Variants in ATG7 observed in about 807,000 individuals in gnomAD.
ATG7 encodes ubiquitin-like modifier-activating enzyme ATG7.
A neutral mutation model predicts 82.4 loss-of-function variants in ATG7; 70 were observed. That is an observed-to-expected ratio of 0.85 (90% CI 0.70 to 1.04). The LOEUF is 1.04. Ranked by LOEUF, ATG7 falls within the 50% of genes least tolerant of loss-of-function variation. ATG7 has a pLI of 0.00. For missense variants in ATG7, 792 were observed against 864.3 expected, an observed-to-expected ratio of 0.92 and a Z score of 1.05; for synonymous variants, 287 against 313.0, an observed-to-expected ratio of 0.92 and a Z score of 0.88.
Position 11,482,457 on chromosome 3 carries a change from TACTTTGGC to T in ATG7, c.2079+55532_2079+55539del, listed in dbSNP as rs1044268411. Among the ~76,000 whole-genome samples the T allele has an allele frequency of 3.3e-5, 5 of 152,296 alleles. 1 individual carries two copies. Among genetic ancestry groups the T allele is most frequent in the African/African-American group, 1.2e-4 (5 of 41,548 alleles). On this transcript the variant is annotated intron_variant, in intron 20 of 20. Transcript: ENST00000693202. ...ATTACTACCGTATCTTTTTGGTGGG[TACTTTGGC>T]CTGCTGACTCCTTCAGTAGAATGGA...
intron 19 of ATG7, among the ~76,000 whole-genome samples, chr3:11,422,048 T>C (rs192137265): frequency 2.0e-5 from 3 of 152,324 alleles, no homozygotes; most frequent in Admixed American, 6.5e-5. Context: ...GTTTCGGTTA[T>C]AGAGCACAGG....
intron 20 of ATG7, among the ~76,000 whole-genome samples, chr3:11,515,874 C>T (rs138874336): frequency 1.3e-5 from 2 of 152,130 alleles, no homozygotes; most frequent in East Asian, 3.9e-4. Flanking sequence ...AAAAGCAGTG[C>T]TGTGGGGCTT....
intron 11 of ATG7, 129 bp downstream of exon 11, chr3:11,333,222 C>G (rs1437984826): frequency 1.7e-6 from 2 of 1,210,396 alleles, no homozygotes; most frequent in Non-Finnish European, 1.1e-6. Context: ...ACCTCTTTGC[C>G]AATGCAGACA....
rs752093920 is a variant in ATG7 at position 11,360,726 on chromosome 3, A to G, written c.1625A>G (p.Asn542Ser). The G allele has an allele frequency of 2.8e-5, 46 of 1,614,064 alleles. No homozygotes were observed. Among genetic ancestry groups the G allele is most frequent in the Non-Finnish European group, 3.1e-5 (37 of 1,180,024 alleles). The change falls in exon 16 of 21, where the codon AAC (asparagine) becomes AGC (serine). Residue 542 changes from asparagine to serine, a missense_variant. By Grantham distance (46) the Asn-to-Ser change is conservative. Transcript: ENST00000693202. ...CTCCTGGGCTCATCGCTTTTTGCCA[A>G]CATCCCTGGTTACAAGCTTGGCTGC... Reference protein sequence around the residue: ...ADLLGSSLFANIPGYKLGCYF... With the variant: ...ADLLGSSLFASIPGYKLGCYF...
chr3:11,513,179 T>A (rs1249235521), intron 20 of ATG7, among the ~76,000 whole-genome samples: 2 of 152,254 alleles, frequency 1.3e-5, no homozygotes, highest in African/African-American at 4.8e-5. Flanking sequence ...CCCAGCTGGC[T>A]TCACCCAGTG....
chr3:11,555,277 C>A lies in ATG7; in HGVS notation c.*434C>A, dbSNP rs1052015094. On this transcript the variant is annotated 3_prime_UTR_variant, in exon 21 of 21. Coordinates refer to ENST00000693202, the MANE Select transcript of ATG7 (RefSeq NM_001349232.2). ...TGTGCTGCCCACCGCACCGCAGGCT[C>A]CTCCTGTGGGGGCCCTGGGCATGGG... 1.0e-4 allele frequency: 17 copies of A among 167,672 alleles called. No individual in the cohort carries two copies. Among genetic ancestry groups the A allele is most frequent in the Non-Finnish European group, 1.7e-4 (13 of 78,492 alleles). 10.4% of individuals were successfully genotyped at this position (167,672 alleles called of 1,614,324 possible). A position where few individuals can be genotyped will look rare whatever the true frequency, so the allele number is the denominator to read the frequency against.
At chr3:11,430,211 T>C (rs932987858) in intron 20 of ATG7, among the ~76,000 whole-genome samples, 2 of 152,308 alleles carry the variant, frequency 1.3e-5, no homozygotes, top group South Asian at 2.1e-4. Flanking sequence ...GTTTGAAATA[T>C]AGTACTTAGT....
chr3:11,382,404 T>A (rs1264366108), intron 19 of ATG7, among the ~76,000 whole-genome samples: 1 of 152,226 alleles, frequency 6.6e-6, no homozygotes, highest in Admixed American at 6.5e-5. Flanking sequence ...TATCCATAAA[T>A]CATTTCTTAT....
At chr3:11,471,268 C>A (rs1215821440) in intron 20 of ATG7, among the ~76,000 whole-genome samples, 1 of 152,130 alleles carries the variant, frequency 6.6e-6, no homozygotes, top group East Asian at 1.9e-4. Context: ...CTCAAGCTGG[C>A]CCTGGCGCTC....
intron 20 of ATG7, among the ~76,000 whole-genome samples, chr3:11,473,894 A>C (rs2087823743): frequency 1.3e-5 from 2 of 152,224 alleles, no homozygotes. Context: ...GCGAGCCCTC[A>C]ATTTCTGTGC....
chr3:11,572,604 G>A, the ATG7 span, among the ~76,000 whole-genome samples: 616 of 152,120 alleles, frequency 4.0e-3, 5 homozygotes, highest in African/African-American at 0.014. Flanking sequence ...CCTGACTGTC[G>A]TCCTCTTGCC....
At chr3:11,322,971 C>T (rs1950405656) in intron 9 of ATG7, among the ~76,000 whole-genome samples, 1 of 152,148 alleles carries the variant, frequency 6.6e-6, no homozygotes, top group Non-Finnish European at 1.5e-5. Flanking sequence ...TGGTGGCACA[C>T]ACTTGTAGTC....
chr3:11,284,387 CTT>C (rs1256544970), intron 3 of ATG7, among the ~76,000 whole-genome samples: 1 of 152,054 alleles, frequency 6.6e-6, no homozygotes, highest in African/African-American at 2.4e-5. Context: ...TGCCAGAAAA[CTT>C]TATGGAAATG....
chr3:11,551,987 G>T (rs2071842950), intron 20 of ATG7, among the ~76,000 whole-genome samples: 1 of 151,702 alleles, frequency 6.6e-6, no homozygotes, highest in Admixed American at 6.6e-5. Flanking sequence ...GACCTCAAGT[G>T]ATCCACCCGC....
chr3:11,458,769 G>C (rs1387406327), intron 20 of ATG7, among the ~76,000 whole-genome samples: 3 of 152,184 alleles, frequency 2.0e-5, no homozygotes, highest in African/African-American at 7.2e-5. Flanking sequence ...GCCTAGTTGA[G>C]GGGTCCCCAA....
chr3:11,305,659 G>A (rs900697080), intron 5 of ATG7, among the ~76,000 whole-genome samples: 1 of 152,132 alleles, frequency 6.6e-6, no homozygotes, highest in Non-Finnish European at 1.5e-5. Flanking sequence ...TTTATTGGAG[G>A]AGCATGGTGA....
chr3:11,398,791 T>C (rs1437772034), intron 19 of ATG7, among the ~76,000 whole-genome samples: 4 of 152,096 alleles, frequency 2.6e-5, no homozygotes, highest in African/African-American at 4.8e-5. Context: ...TTTGAGCTTA[T>C]AGTGAGCTCT....
chr3:11,283,665 G>C (rs1182817219), intron 3 of ATG7, among the ~76,000 whole-genome samples: 2 of 152,110 alleles, frequency 1.3e-5, no homozygotes, highest in African/African-American at 4.8e-5. Context: ...TGGTGGACAT[G>C]GTGGCTCACG....
intron 20 of ATG7, chr3:11,477,091 A>G: frequency 7.8e-7 from 1 of 1,288,958 alleles, no homozygotes; most frequent in Non-Finnish European, 1.0e-6. Flanking sequence ...TATTGCAGCA[A>G]TTTGGTGGTG....
Sources: gnomAD v4.1 joint callset for allele counts (sites outside exome capture counted in the v4.1 genomes callset) on GRCh38, gnomAD v4.1.1 for gene constraint, MANE v1.5 for transcripts, NCBI Gene and HGNC (gene_info 2026-07-23, HGNC 2026-07-21) for gene names.